Variants in LOX observed in about 807,000 individuals in gnomAD.
LOX encodes the protein lysyl oxidase.
Under a neutral mutation model 50.5 loss-of-function variants are expected in LOX, and 12 were observed. That is an observed-to-expected ratio of 0.24 (90% CI 0.15 to 0.38). LOX has a LOEUF of 0.38. Among genes scored for constraint, LOX ranks in the 10% least tolerant of loss-of-function variants. The pLI is 1.00. For synonymous variants in LOX, 254 were observed against 230.6 expected (o/e 1.10, Z -0.92); for missense variants, 504 against 563.8 (o/e 0.89, Z 1.07).
At chr5:122,074,723 C>T (rs1754565521) in intron 3 of LOX, among the ~76,000 whole-genome samples, 1 of 152,060 alleles carries the variant, frequency 6.6e-6, no homozygotes, top group South Asian at 2.1e-4. Context: ...AATTAAGGGA[C>T]TTATATCTAC....
intron 6 of LOX, among the ~76,000 whole-genome samples, chr5:122,068,174 T>TAA (rs10650287): frequency 0.11 from 12,412 of 115,680 alleles, 782 homozygotes; most frequent in Admixed American, 0.14. Context: ...TAATAACTAG[T>TAA]AAAAAAAAAA....
chr5:122,069,217 T>A (rs760124196), intron 6 of LOX, among the ~76,000 whole-genome samples: 25 of 152,146 alleles, frequency 1.6e-4, no homozygotes, highest in Non-Finnish European at 3.4e-4. Flanking sequence ...CCTGTCTGTA[T>A]GATCCAGTGG....
At position 122,078,185 on chromosome 5, in the gene LOX, C is replaced by T. The variant is rs1459615588; in HGVS notation, c.-200G>A. 2 of 463,904 alleles carry T rather than the reference C, an allele frequency of 4.3e-6. No homozygotes were observed. The highest frequency in any genetic ancestry group is 2.0e-5 in the African/African-American group (1 of 48,918). The allele number at this position is 463,904 out of a possible 1,614,324, so 28.7% of individuals were successfully genotyped here. A position where few individuals can be genotyped will look rare whatever the true frequency, so the allele number is the denominator to read the frequency against. On this transcript the variant is annotated 5_prime_UTR_variant, in exon 1 of 7. Transcript: ENST00000231004. ...CAAGGCGGCTGCTCGGACGTGGCACCCTTCCCTTTCCCCTTTCTCAGTCCT... is the reference window on the plus strand; with the variant it reads ...CAAGGCGGCTGCTCGGACGTGGCACTCTTCCCTTTCCCCTTTCTCAGTCCT...
At chr5:122,075,030 T>TTTC (rs1458169130) in intron 3 of LOX, among the ~76,000 whole-genome samples, 1 of 152,222 alleles carries the variant, frequency 6.6e-6, no homozygotes, top group East Asian at 1.9e-4. Context: ...TTGAGAATGG[T>TTTC]TTCTGAATGC....
chr5:122,071,656 T>C (rs565879197), intron 4 of LOX, among the ~76,000 whole-genome samples: 1 of 152,288 alleles, frequency 6.6e-6, no homozygotes, highest in East Asian at 1.9e-4. Flanking sequence ...TCACAAAAAG[T>C]TTTAACTTGT....
At position 122,076,860 on chromosome 5, in the gene LOX, G is replaced by A. The variant is rs1357049205; in HGVS notation, c.740+33C>T. 4 of 1,598,410 alleles carry A rather than the reference G, an allele frequency of 2.5e-6. No individual in the cohort carries two copies. The South Asian group carries it at 3.3e-5, about 13-fold the overall frequency. On this transcript the variant is annotated intron_variant, in intron 2 of 6. Transcript: ENST00000231004. ...CCAGAGCGCCCCCTGAAGGTAGACC[G>A]GGGAGCGGGGCCTCAGACATATCAG...
Position 122,071,219 on chromosome 5 carries a change from G to GTGTA in LOX, c.1036-631_1036-630insTACA, listed in dbSNP as rs1554060862. Reference sequence around the variant, plus strand: ...TGTGTGTGTGTGTGTGTGTGTGTGTGTATAAAAATTCAATTTTCACAACTA... The same window carrying GTGTA: ...TGTGTGTGTGTGTGTGTGTGTGTGTGTGTATATAAAAATTCAATTTTCACAACTA... On this transcript the variant is annotated intron_variant, in intron 4 of 6. Transcript: ENST00000231004. 2.4e-4 allele frequency among the ~76,000 whole-genome samples: 34 copies of GTGTA among 144,184 alleles called. 1 individual carries two copies. The South Asian group carries it at 6.1e-3, about 26-fold the overall frequency. 94.6% of individuals were successfully genotyped at this position (144,184 alleles called of 152,430 possible).
At chr5:122,073,551 G>A (rs1047898922) in intron 4 of LOX, among the ~76,000 whole-genome samples, 1 of 152,172 alleles carries the variant, frequency 6.6e-6, no homozygotes, top group Non-Finnish European at 1.5e-5. Context: ...AAAAAACAGA[G>A]ATATCTTTTT....
At chr5:122,068,799 CA>C (rs1184493911) in intron 6 of LOX, among the ~76,000 whole-genome samples, 1 of 151,670 alleles carries the variant, frequency 6.6e-6, no homozygotes, top group Admixed American at 6.6e-5. Context: ...ACAAACAGTA[CA>C]AAAATGAGAG....
intron 3 of LOX, 65 bp from the exon 4 acceptor site, chr5:122,074,234 A>C: frequency 7.2e-7 from 1 of 1,387,024 alleles, no homozygotes; most frequent in Non-Finnish European, 1.0e-6. Flanking sequence ...GAAGATATTA[A>C]ATGACTTCCC....
chr5:122,076,461 GA>G (rs1754636920), intron 2 of LOX, among the ~76,000 whole-genome samples: 1 of 152,104 alleles, frequency 6.6e-6, no homozygotes, highest in African/African-American at 2.4e-5. Flanking sequence ...AACAAAAGAG[GA>G]AAACTTAGTC....
chr5:122,075,636 C>A (rs1377227088), intron 2 of LOX, 95 bp from the exon 3 acceptor site: 15 of 776,378 alleles, frequency 1.9e-5, no homozygotes, highest in Non-Finnish European at 2.9e-5. Context: ...TAGTGACAAT[C>A]CTCCTTTCCC....
chr5:122,076,775 A>G (rs1754648991), intron 2 of LOX, 118 bp downstream of exon 2: 1 of 807,570 alleles, frequency 1.2e-6, no homozygotes, highest in African/African-American at 1.7e-5. Flanking sequence ...CCCACTTCCC[A>G]GCTCTTGTCC....
At chr5:122,075,244 A>G in intron 3 of LOX, 160 bp downstream of exon 3, 1 of 590,326 alleles carries the variant, frequency 1.7e-6, no homozygotes, top group Non-Finnish European at 2.8e-6. Context: ...AGGATCTTGT[A>G]GTAGATGGGT....
rs766220173 is a variant in LOX, at chr5:122,077,768, C to T, written c.218G>A (p.Gly73Asp). 29 of 1,550,024 alleles carry T rather than the reference C, an allele frequency of 1.9e-5. No individual in the cohort carries two copies. The East Asian group carries it at 6.0e-4, about 32-fold the overall frequency. The change falls in exon 1 of 7, where the codon GGC (glycine) becomes GAC (aspartate). Residue 73 changes from glycine to aspartate, a missense_variant. Physicochemically the swap from Gly to Asp is moderately conservative, Grantham distance 94. Transcript: ENST00000231004. This position sits in a 1 kb window ranked among gnomAD's most constrained non-coding sequence, Gnocchi z 4.9. ...QYQPQRRRDP[G>D]AAVPGAANAS... ...GTTGGCTGCACCAGGGACGGCGGCG[C>T]CCGGGTCCCGGCGGCGCTGAGGCTG...
In LOX at chr5:122,066,432, A is replaced by C. The variant is rs569562204; in HGVS notation, c.*311T>G. On this transcript the variant is annotated 3_prime_UTR_variant, in exon 7 of 7. Transcript: ENST00000231004. ...TAGATAATACTGACCATTTTGCACT[A>C]CAATTTCAAAAGGAACATGAGAAAT... 6.6e-6 allele frequency: 2 copies of C among 303,596 alleles called. No homozygotes were observed. Among genetic ancestry groups the C allele is most frequent in the Non-Finnish European group, 1.2e-5 (2 of 163,016 alleles). 18.8% of individuals were successfully genotyped at this position (303,596 alleles called of 1,614,324 possible). A position where few individuals can be genotyped will look rare whatever the true frequency, so the allele number is the denominator to read the frequency against.
intron 4 of LOX, among the ~76,000 whole-genome samples, chr5:122,071,755 G>A (rs1047249291): frequency 2.0e-5 from 3 of 152,092 alleles, no homozygotes; most frequent in African/African-American, 4.8e-5. Flanking sequence ...AACCAATATT[G>A]CTTTGCTGTT....
intron 4 of LOX, among the ~76,000 whole-genome samples, chr5:122,073,445 GT>G (rs1321038834): frequency 6.6e-6 from 1 of 152,168 alleles, no homozygotes; most frequent in African/African-American, 2.4e-5. Flanking sequence ...ACTTTTTAAA[GT>G]GCTTTTAAAG....
chr5:122,071,199 G>A (rs1269109580), intron 4 of LOX, among the ~76,000 whole-genome samples: 2 of 150,560 alleles, frequency 1.3e-5, no homozygotes, highest in Non-Finnish European at 3.0e-5. Context: ...TTATATGTGT[G>A]TGTGTGTGTG....
Sources: allele counts gnomAD v4.1 joint callset (sites outside exome capture counted in the v4.1 genomes callset), GRCh38; gene constraint gnomAD v4.1.1; non-coding constraint Gnocchi (gnomAD v3.1); transcripts MANE v1.5; gene names NCBI Gene and HGNC (gene_info 2026-07-23, HGNC 2026-07-21).